The following NRCAM variants were observed in gnomAD, a reference collection of about 807,000 sequenced individuals.
NRCAM encodes the protein NgCAM-related cell adhesion molecule.
In NRCAM, 83 loss-of-function variants were observed where a neutral mutation model predicts 156.5. The ratio of observed to expected loss-of-function variants is 0.53; its 90% CI spans 0.44 to 0.64. The LOEUF (loss-of-function observed/expected upper bound fraction) is 0.64. NRCAM is among the 30% of genes least tolerant of loss of function. NRCAM has a pLI of 0.00. For missense variants in NRCAM, 1,417 were observed against 1,597.3 expected (o/e 0.89, Z 1.92); for synonymous variants, 538 against 563.9 (o/e 0.95, Z 0.65).
At chr7:108,151,488 T>C (rs2041619093) in intron 32 of NRCAM, among the ~76,000 whole-genome samples, 2 of 152,078 alleles carry the variant, frequency 1.3e-5, no homozygotes, top group African/African-American at 4.8e-5. Context: ...TGACAATAAC[T>C]TTTACTAGGG....
rs1442194541 is a variant in NRCAM, at chr7:108,234,612, C to A, written c.201G>T (p.Gln67His). 7.4e-6 allele frequency: 12 copies of A among 1,612,818 alleles called. No homozygotes were observed. The highest frequency in any genetic ancestry group is 1.0e-5 in the Non-Finnish European group (12 of 1,179,168). The change falls in exon 6 of 33, where the codon CAG becomes CAT. Residue 67 changes from glutamine to histidine, a missense_variant. By Grantham distance (24) the Gln-to-His change is conservative. Around this residue, in one of 2 missense-constraint regions of NRCAM, gnomAD observed 1,238 missense variants for 1,336.4 expected, o/e 0.93. Coordinates refer to ENST00000379028, the MANE Select transcript of NRCAM (RefSeq NM_001037132.4). ...IIDPRENIVI[Q>H]CEAKGKPPPS... ...GGGGCGGTTTCCCTTTGGCTTCACACTGGATTACAATATTCTCCCGAGGGT... is the reference window on the plus strand; with the variant it reads ...GGGGCGGTTTCCCTTTGGCTTCACAATGGATTACAATATTCTCCCGAGGGT...
intron 3 of NRCAM, among the ~76,000 whole-genome samples, chr7:108,276,700 C>T (rs2097642237): frequency 6.6e-6 from 1 of 152,052 alleles, no homozygotes; most frequent in African/African-American, 2.4e-5. Flanking sequence ...ATTTGCCAGT[C>T]TGTGTCTTTT....
chr7:108,218,174 G>T (rs1031548315), intron 11 of NRCAM, among the ~76,000 whole-genome samples: 3 of 37,572 alleles, frequency 8.0e-5, no homozygotes, highest in African/African-American at 6.1e-4. Context: ...TCCCTTGGCT[G>T]GGGGGGGGGG....
At chr7:108,225,826 A>T in intron 9 of NRCAM, 125 bp from the exon 10 acceptor site, 1 of 741,594 alleles carries the variant, frequency 1.3e-6, no homozygotes, top group Non-Finnish European at 2.5e-6. Flanking sequence ...AAGTAAAAAC[A>T]GTGCTTTACA....
At chr7:108,441,265 A>G (rs1838222116) in intron 1 of NRCAM, among the ~76,000 whole-genome samples, 1 of 152,220 alleles carries the variant, frequency 6.6e-6, no homozygotes, top group South Asian at 2.1e-4. Flanking sequence ...CCCAACATAT[A>G]AACAAAATTT....
At chr7:108,161,224 C>A (rs12111776) in intron 30 of NRCAM, among the ~76,000 whole-genome samples, 24,293 of 152,178 alleles carry the variant, frequency 0.16, 2,584 homozygotes, top group African/African-American at 0.31. Context: ...AGTCAGTGAA[C>A]TCATTATTTG....
intron 1 of NRCAM, among the ~76,000 whole-genome samples, chr7:108,447,718 C>T (rs928162058): frequency 6.6e-5 from 10 of 152,108 alleles, no homozygotes; most frequent in Non-Finnish European, 5.9e-5. Context: ...GTAAATTCTT[C>T]TCAATACATT....
chr7:108,380,339 G>A (rs2099695561), intron 2 of NRCAM, among the ~76,000 whole-genome samples: 1 of 152,126 alleles, frequency 6.6e-6, no homozygotes, highest in Non-Finnish European at 1.5e-5. Context: ...TGTGCAGCAT[G>A]ATAGATAATT....
chr7:108,240,792 G>A (rs2095472619), intron 3 of NRCAM, among the ~76,000 whole-genome samples: 1 of 152,102 alleles, frequency 6.6e-6, no homozygotes, highest in African/African-American at 2.4e-5. Context: ...AGCCATATGT[G>A]ATCCCTCAAA....
chr7:108,255,435 C>G lies in NRCAM; in HGVS notation c.-106-15265G>C, dbSNP rs1209395428. On this transcript the variant is annotated intron_variant, in intron 3 of 32. Coordinates refer to ENST00000379028, the MANE Select transcript of NRCAM (RefSeq NM_001037132.4). Reference sequence around the variant, plus strand: ...TGCCCACCTGGGCCTCCCGAGGTGCCGGGATTGCAGACGGAGTCTCGCTCA... The same window carrying G: ...TGCCCACCTGGGCCTCCCGAGGTGCGGGGATTGCAGACGGAGTCTCGCTCA... Among the ~76,000 whole-genome samples, 7 of 152,098 alleles carry G rather than the reference C, an allele frequency of 4.6e-5. No homozygotes were observed. In the South Asian group the frequency reaches 1.2e-3, roughly 27 times the overall value.
chr7:108,307,938 T>C (rs535626870), intron 3 of NRCAM, among the ~76,000 whole-genome samples: 1 of 152,312 alleles, frequency 6.6e-6, no homozygotes, highest in South Asian at 2.1e-4. Context: ...TACCTTTGTA[T>C]AGAGTACCAT....
intron 6 of NRCAM, among the ~76,000 whole-genome samples, chr7:108,233,819 C>T (rs2094591045): frequency 6.6e-6 from 1 of 152,132 alleles, no homozygotes; most frequent in South Asian, 2.1e-4. Flanking sequence ...AACAATAACC[C>T]AACTCTCCAA....
intron 11 of NRCAM, among the ~76,000 whole-genome samples, chr7:108,222,670 C>G (rs2092649187): frequency 6.6e-6 from 1 of 152,060 alleles, no homozygotes; most frequent in Non-Finnish European, 1.5e-5. Context: ...CTGCCTCGGC[C>G]AGCGGAGGCC....
intron 1 of NRCAM, among the ~76,000 whole-genome samples, chr7:108,444,235 T>C (rs999005022): frequency 6.6e-6 from 1 of 152,184 alleles, no homozygotes; most frequent in African/African-American, 2.4e-5. Context: ...CCGTTTTATA[T>C]CAGAGACTTG....
intron 5 of NRCAM, 115 bp downstream of exon 5, chr7:108,237,637 G>C: frequency 4.2e-6 from 3 of 709,162 alleles, no homozygotes; most frequent in Non-Finnish European, 6.5e-6. Context: ...CACATGCTTA[G>C]AAAGACAAAG....
intron 3 of NRCAM, among the ~76,000 whole-genome samples, chr7:108,305,096 T>C (rs2098695075): frequency 6.6e-6 from 1 of 152,192 alleles, no homozygotes; most frequent in African/African-American, 2.4e-5. Flanking sequence ...ATTTAGGGTA[T>C]GTTTTCCTTA....
At chr7:108,191,219 C>G in intron 19 of NRCAM, 35 bp downstream of exon 19, 1 of 1,568,148 alleles carries the variant, frequency 6.4e-7, no homozygotes. Flanking sequence ...AATTGTTTGA[C>G]AGAAAACAGA....
chr7:108,311,085 A>G (rs1439776678), intron 3 of NRCAM, among the ~76,000 whole-genome samples: 1 of 152,208 alleles, frequency 6.6e-6, no homozygotes, highest in East Asian at 1.9e-4. Flanking sequence ...AAAGGGCACC[A>G]TGTACTTCCT....
At chr7:108,379,726 C>A (rs2099692641) in intron 2 of NRCAM, among the ~76,000 whole-genome samples, 1 of 151,756 alleles carries the variant, frequency 6.6e-6, no homozygotes, top group Non-Finnish European at 1.5e-5. Context: ...AAAATGAAAT[C>A]ATTTTACTTT....
Sources: allele counts gnomAD v4.1 joint callset (sites outside exome capture counted in the v4.1 genomes callset), GRCh38; gene constraint gnomAD v4.1.1; regional missense constraint gnomAD v4.1.1; transcripts MANE v1.5; gene names NCBI Gene and HGNC (gene_info 2026-07-23, HGNC 2026-07-21).